DDAH1: variants seen among roughly 807,000 people sequenced by gnomAD.
DDAH1 encodes the protein dimethylarginine dimethylaminohydrolase 1.
DDAH1 carries 19 observed loss-of-function variants against 28.8 expected under a neutral mutation model. The observed-to-expected ratio is 0.66, with a 90% CI of 0.46 to 0.97. The LOEUF (loss-of-function observed/expected upper bound fraction) is 0.97. DDAH1 is among the 50% of genes least tolerant of loss of function. The pLI is 0.00. For missense variants in DDAH1, 326 were observed against 375.9 expected (o/e 0.87, Z 1.10); for synonymous variants, 153 against 154.4 (o/e 0.99, Z 0.07).
intron 2 of DDAH1, among the ~76,000 whole-genome samples, chr1:85,476,733 C>T (rs960843723): frequency 6.6e-6 from 1 of 152,158 alleles, no homozygotes; most frequent in Non-Finnish European, 1.5e-5. Flanking sequence ...GACACTTTCT[C>T]TTGATGGAAG....
chr1:85,500,127 TTTC>T (rs1404467037), intron 1 of DDAH1, among the ~76,000 whole-genome samples: 25 of 46,008 alleles, frequency 5.4e-4, no homozygotes, highest in Middle Eastern at 0.015. Context: ...TCTTTCTTTC[TTTC>T]TTTCTTTCTT....
intron 4 of DDAH1, among the ~76,000 whole-genome samples, chr1:85,329,917 A>T (rs1234604292): frequency 6.6e-6 from 1 of 152,266 alleles, no homozygotes; most frequent in Non-Finnish European, 1.5e-5. Context: ...GATAACAAAC[A>T]AGAAATATGC....
intron 1 of DDAH1, among the ~76,000 whole-genome samples, chr1:85,427,150 T>C (rs1008755359): frequency 7.9e-5 from 12 of 152,006 alleles, no homozygotes; most frequent in Non-Finnish European, 1.6e-4. Context: ...TCAGGTGCCT[T>C]CACATATAAA....
intron 1 of DDAH1, among the ~76,000 whole-genome samples, chr1:85,405,746 G>C (rs956155891): frequency 6.6e-6 from 1 of 152,182 alleles, no homozygotes; most frequent in Admixed American, 6.6e-5. Context: ...GCCTCAGAGA[G>C]GGGAGACAAG....
intron 1 of DDAH1, among the ~76,000 whole-genome samples, chr1:85,497,192 T>C (rs997711764): frequency 6.6e-6 from 1 of 152,084 alleles, no homozygotes; most frequent in Non-Finnish European, 1.5e-5. Context: ...TGCACAGTGA[T>C]CACAAACATA....
At chr1:85,345,716 T>C (rs916862777) in intron 4 of DDAH1, among the ~76,000 whole-genome samples, 4 of 152,036 alleles carry the variant, frequency 2.6e-5, no homozygotes, top group African/African-American at 9.7e-5. Context: ...AATTCAAAAA[T>C]TAGCTGGGCG....
At chr1:85,540,599 A>G (rs1403408346) in intron 1 of DDAH1, among the ~76,000 whole-genome samples, 1 of 152,070 alleles carries the variant, frequency 6.6e-6, no homozygotes, top group South Asian at 2.1e-4. Flanking sequence ...ACTACCTCCA[A>G]TGCTTTCCTC....
intron 1 of DDAH1, among the ~76,000 whole-genome samples, chr1:85,402,958 A>T (rs969364611): frequency 6.6e-6 from 1 of 151,808 alleles, no homozygotes; most frequent in Non-Finnish European, 1.5e-5. Flanking sequence ...TGCTCCAAAA[A>T]TATTAGTTTA....
At chr1:85,383,032 A>C (rs1651074039) in intron 1 of DDAH1, among the ~76,000 whole-genome samples, 1 of 152,240 alleles carries the variant, frequency 6.6e-6, no homozygotes, top group Non-Finnish European at 1.5e-5. Context: ...TGCTGACACA[A>C]GATTCATTCT....
intron 1 of DDAH1, among the ~76,000 whole-genome samples, chr1:85,503,482 A>G (rs962433076): frequency 2.0e-5 from 3 of 152,200 alleles, no homozygotes; most frequent in Non-Finnish European, 2.9e-5. Context: ...GAATACAGGC[A>G]TAAGCCACTG....
chr1:85,423,821 T>C (rs1170488839), intron 1 of DDAH1, among the ~76,000 whole-genome samples: 1 of 152,210 alleles, frequency 6.6e-6, no homozygotes, highest in Non-Finnish European at 1.5e-5. Context: ...CTTTCTGTAG[T>C]TTTGAACAGC....
intron 4 of DDAH1, among the ~76,000 whole-genome samples, chr1:85,342,486 T>C (rs549374133): frequency 3.6e-4 from 55 of 152,098 alleles, no homozygotes; most frequent in Non-Finnish European, 5.9e-5. Context: ...ATTAGTGATT[T>C]TGGTAACTTG....
chr1:85,409,376 C>T (rs896965708), intron 1 of DDAH1, among the ~76,000 whole-genome samples: 5 of 152,186 alleles, frequency 3.3e-5, no homozygotes, highest in Non-Finnish European at 2.9e-5. Flanking sequence ...GATCATGTCA[C>T]TGCCCAAATG....
chr1:85,497,812 AATC>A (rs1347491626), intron 1 of DDAH1, among the ~76,000 whole-genome samples: 2 of 152,218 alleles, frequency 1.3e-5, no homozygotes, highest in African/African-American at 4.8e-5. Context: ...TATATTATTA[AATC>A]ATCAATGACA....
At chr1:85,386,399 CA>C (rs1651263564) in intron 1 of DDAH1, among the ~76,000 whole-genome samples, 1 of 152,218 alleles carries the variant, frequency 6.6e-6, no homozygotes. Flanking sequence ...AATGGGGTAA[CA>C]AGCCCCATGC....
chr1:85,321,126 T>C lies in DDAH1; in HGVS notation c.*326A>G, dbSNP rs1241257614. On this transcript the variant is annotated 3_prime_UTR_variant, in exon 6 of 6. Coordinates refer to ENST00000284031, the MANE Select transcript of DDAH1 (RefSeq NM_012137.4). ...GATCAAGAAGACATTCTTCAGAATA[T>C]ACTGGCAACTAAATAATTTTCACAC... 1 of 181,312 alleles carries C rather than the reference T, an allele frequency of 5.5e-6. No homozygotes were observed. The highest frequency in any genetic ancestry group is 1.1e-5 in the Non-Finnish European group (1 of 89,966). 11.2% of individuals were successfully genotyped at this position (181,312 alleles called of 1,614,324 possible).
intron 1 of DDAH1, among the ~76,000 whole-genome samples, chr1:85,412,293 A>T (rs1306733741): frequency 6.6e-6 from 1 of 152,198 alleles, no homozygotes; most frequent in African/African-American, 2.4e-5. Flanking sequence ...ACAAATGAAC[A>T]CAGAAATAAT....
chr1:85,524,739 T>C (rs1429000217), intron 1 of DDAH1, among the ~76,000 whole-genome samples: 3 of 151,826 alleles, frequency 2.0e-5, no homozygotes, highest in Non-Finnish European at 4.4e-5. Context: ...GGTTGCGTAA[T>C]GTATTGATAA....
chr1:85,516,116 C>A (rs371766248), intron 1 of DDAH1, among the ~76,000 whole-genome samples: 1 of 151,398 alleles, frequency 6.6e-6, no homozygotes, highest in Non-Finnish European at 1.5e-5. Context: ...TCTACCTTAA[C>A]GACCTCCTTA....
Sources: allele counts gnomAD v4.1 joint callset (sites outside exome capture counted in the v4.1 genomes callset), GRCh38; gene constraint gnomAD v4.1.1; transcripts MANE v1.5; gene names NCBI Gene and HGNC (gene_info 2026-07-23, HGNC 2026-07-21).